KCND2: variants seen among roughly 807,000 people sequenced by gnomAD.
KCND2 encodes A-type voltage-gated potassium channel KCND2.
Under a neutral mutation model 54.4 loss-of-function variants are expected in KCND2, and 16 were observed. The ratio of observed to expected loss-of-function variants is 0.29; its 90% CI spans 0.20 to 0.45. The LOEUF (loss-of-function observed/expected upper bound fraction) is 0.45, where lower values mean the gene tolerates loss of function less well. KCND2 is among the 20% of genes least tolerant of loss of function. KCND2 has a pLI of 1.00. For synonymous variants in KCND2, 317 were observed against 310.7 expected, an observed-to-expected ratio of 1.02 and a Z score of -0.21; for missense variants, 486 against 824.2, an observed-to-expected ratio of 0.59 and a Z score of 5.02.
intron 1 of KCND2, among the ~76,000 whole-genome samples, chr7:120,352,453 C>T (rs1190191488): frequency 1.7e-5 from 1 of 60,246 alleles, no homozygotes; most frequent in Non-Finnish European, 3.8e-5. Flanking sequence ...TATATACACA[C>T]ATACATACAC....
intron 2 of KCND2, 93 bp from the exon 3 acceptor site, chr7:120,741,441 G>T (rs1479615947): frequency 8.1e-6 from 7 of 866,758 alleles, no homozygotes; most frequent in Non-Finnish European, 1.2e-5. Context: ...TTAAAAATAT[G>T]TAGGCTGACA....
intron 1 of KCND2, among the ~76,000 whole-genome samples, chr7:120,613,511 A>G (rs890173088): frequency 6.6e-6 from 1 of 152,124 alleles, no homozygotes; most frequent in Admixed American, 6.6e-5. Flanking sequence ...AGCCTGGGAG[A>G]CAGAGCGAGA....
chr7:120,439,402 T>A (rs1211508102), intron 1 of KCND2, among the ~76,000 whole-genome samples: 1 of 152,058 alleles, frequency 6.6e-6, no homozygotes, highest in Non-Finnish European at 1.5e-5. Flanking sequence ...TTGCACATAT[T>A]TATGGAATGC....
At chr7:120,662,800 T>C (rs1791882631) in intron 1 of KCND2, among the ~76,000 whole-genome samples, 1 of 152,242 alleles carries the variant, frequency 6.6e-6, no homozygotes, top group African/African-American at 2.4e-5. Context: ...AGTAAAGATC[T>C]GTGCCTGGTC....
At chr7:120,566,782 AT>A (rs1164974300) in intron 1 of KCND2, among the ~76,000 whole-genome samples, 1 of 151,492 alleles carries the variant, frequency 6.6e-6, no homozygotes, top group Non-Finnish European at 1.5e-5. Flanking sequence ...TCTAAATCTT[AT>A]CCCCCATATA....
At chr7:120,425,983 A>C (rs183401321) in intron 1 of KCND2, among the ~76,000 whole-genome samples, 3 of 151,832 alleles carry the variant, frequency 2.0e-5, no homozygotes, top group African/African-American at 7.3e-5. Flanking sequence ...TTTATTTTAG[A>C]AGTAAAGGAA....
chr7:120,315,113 A>G (rs1584726261), intron 1 of KCND2, among the ~76,000 whole-genome samples: 1 of 152,012 alleles, frequency 6.6e-6, no homozygotes, highest in Admixed American at 6.6e-5. Context: ...TTGTAAAGGG[A>G]AAAAAAAGCA....
chr7:120,498,181 A>G (rs1802877034), intron 1 of KCND2, among the ~76,000 whole-genome samples: 1 of 152,246 alleles, frequency 6.6e-6, no homozygotes, highest in African/African-American at 2.4e-5. Context: ...AATAAGTAAA[A>G]TAGTAGCAGT....
chr7:120,280,848 A>G (rs1202623701), intron 1 of KCND2, among the ~76,000 whole-genome samples: 1 of 152,084 alleles, frequency 6.6e-6, no homozygotes. Context: ...TTATACAGGG[A>G]TAAGAGAAGG....
At chr7:120,555,544 A>G (rs1247182501) in intron 1 of KCND2, among the ~76,000 whole-genome samples, 4 of 152,200 alleles carry the variant, frequency 2.6e-5, no homozygotes, top group African/African-American at 9.7e-5. Flanking sequence ...AACTTCTTGC[A>G]AATTCAGCAT....
At chr7:120,361,841 C>G (rs1402461900) in intron 1 of KCND2, among the ~76,000 whole-genome samples, 1 of 151,944 alleles carries the variant, frequency 6.6e-6, no homozygotes, top group Non-Finnish European at 1.5e-5. Flanking sequence ...TATTGTAAAG[C>G]TAAATATTTA....
At position 120,576,887 on chromosome 7, in the gene KCND2, C is replaced by G. The variant is rs552722416; in HGVS notation, c.1116-156016C>G. 2.0e-5 allele frequency among the ~76,000 whole-genome samples: 3 copies of G among 152,212 alleles called. No homozygotes were observed. In the East Asian group the frequency reaches 5.8e-4, roughly 29 times the overall value. The stretch of plus-strand genomic sequence containing the variant: ...AGAGGCTGGGCGCGGTGGCTCACAC[C>G]TGTAATCCCAGCACTTTGGGAGGCC... On this transcript the variant is annotated intron_variant, in intron 1 of 5. Transcript: ENST00000331113.
At chr7:120,435,387 T>G (rs1473214651) in intron 1 of KCND2, among the ~76,000 whole-genome samples, 3 of 151,786 alleles carry the variant, frequency 2.0e-5, no homozygotes, top group African/African-American at 7.3e-5. Context: ...AATGCTGACA[T>G]TACAGGTGTG....
intron 1 of KCND2, among the ~76,000 whole-genome samples, chr7:120,547,848 C>T (rs1792061917): frequency 6.6e-6 from 1 of 151,944 alleles, no homozygotes; most frequent in Non-Finnish European, 1.5e-5. Context: ...GAACGTGAGG[C>T]AGTCAGCTTT....
chr7:120,416,347 T>A (rs57411631), intron 1 of KCND2, among the ~76,000 whole-genome samples: 2,119 of 152,248 alleles, frequency 0.014, 49 homozygotes, highest in African/African-American at 0.045. Flanking sequence ...GCACCCCTAC[T>A]CACACACACA....
chr7:120,615,307 C>A (rs1335762923), intron 1 of KCND2, among the ~76,000 whole-genome samples: 2 of 152,152 alleles, frequency 1.3e-5, no homozygotes, highest in African/African-American at 4.8e-5. Context: ...CTTCAAGATC[C>A]TTTATGAATG....
chr7:120,407,699 T>C (rs911112765), intron 1 of KCND2, among the ~76,000 whole-genome samples: 12 of 151,108 alleles, frequency 7.9e-5, no homozygotes, highest in Middle Eastern at 3.5e-3. Context: ...TTATGTAGTA[T>C]AAAAACTTTA....
At chr7:120,308,044 ATTGT>A (rs1463278459) in intron 1 of KCND2, among the ~76,000 whole-genome samples, 3 of 152,082 alleles carry the variant, frequency 2.0e-5, no homozygotes, top group Non-Finnish European at 2.9e-5. Flanking sequence ...ATATATTTGA[ATTGT>A]TTATGTGGAC....
chr7:120,678,755 T>TATATATATATATATATATAC (rs1252715153), intron 1 of KCND2, among the ~76,000 whole-genome samples: 3 of 107,466 alleles, frequency 2.8e-5, no homozygotes, highest in Non-Finnish European at 5.0e-5. Flanking sequence ...TATATATATA[T>TATATATATATATATATATAC]ATATATATAT....
Sources: allele counts gnomAD v4.1 joint callset (sites outside exome capture counted in the v4.1 genomes callset), GRCh38; gene constraint gnomAD v4.1.1; transcripts MANE v1.5; gene names NCBI Gene and HGNC (gene_info 2026-07-23, HGNC 2026-07-21).